LARGE1: variants seen among roughly 807,000 people sequenced by gnomAD.
LARGE1 encodes LARGE xylosyl- and glucuronyltransferase 1.
In LARGE1, 43 loss-of-function variants were observed where a neutral mutation model predicts 87.6. The ratio of observed to expected loss-of-function variants is 0.49; its 90% CI spans 0.38 to 0.63. The LOEUF (loss-of-function observed/expected upper bound fraction) is 0.63, where lower values mean the gene tolerates loss of function less well. Ranked by LOEUF, LARGE1 falls within the 30% of genes least tolerant of loss-of-function variation. LARGE1 has a pLI of 0.00. For synonymous variants in LARGE1, 434 were observed against 394.6 expected, an observed-to-expected ratio of 1.10 and a Z score of -1.18; for missense variants, 802 against 1,000.2, an observed-to-expected ratio of 0.80 and a Z score of 2.67.
At chr22:33,694,237 A>T (rs1022270345) in intron 2 of LARGE1, among the ~76,000 whole-genome samples, 5 of 152,222 alleles carry the variant, frequency 3.3e-5, no homozygotes, top group Non-Finnish European at 7.3e-5. Flanking sequence ...ACAGAAGGAA[A>T]ATCTAGAGAG....
intron 1 of LARGE1, among the ~76,000 whole-genome samples, chr22:33,875,499 T>C (rs936980901): frequency 1.3e-5 from 2 of 152,136 alleles, no homozygotes; most frequent in Non-Finnish European, 2.9e-5. Context: ...TCTCCAACCA[T>C]GCCAAGGGGA....
chr22:33,284,541 G>A (rs1931136478), intron 12 of LARGE1, among the ~76,000 whole-genome samples: 1 of 151,902 alleles, frequency 6.6e-6, no homozygotes, highest in Non-Finnish European at 1.5e-5. Context: ...GGCTCATGGA[G>A]AGCCATCCAC....
chr22:33,565,867 G>A (rs1307677255), intron 5 of LARGE1, among the ~76,000 whole-genome samples: 1 of 152,160 alleles, frequency 6.6e-6, no homozygotes, highest in Admixed American at 6.5e-5. Context: ...CCAAAGGCAA[G>A]GATAAAAATA....
chr22:33,713,841 A>C (rs995718393), intron 2 of LARGE1, among the ~76,000 whole-genome samples: 4 of 152,042 alleles, frequency 2.6e-5, no homozygotes, highest in African/African-American at 9.7e-5. Context: ...CTGTGTTCCC[A>C]GCTATTTAGG....
chr22:33,462,313 A>G lies in LARGE1; in HGVS notation c.788-30048T>C, dbSNP rs1395664697. ...GAAAAACACCCTTCGGGATGGCAAA[A>G]TAAAGACATTTTTCAGATAATAAAA... On this transcript the variant is annotated intron_variant, in intron 6 of 14. Coordinates refer to ENST00000397394, the MANE Select transcript of LARGE1 (RefSeq NM_133642.5). Among the ~76,000 whole-genome samples, 4 of 152,198 alleles carry G rather than the reference A, an allele frequency of 2.6e-5. No homozygotes were observed. In the East Asian group the frequency reaches 5.8e-4, roughly 22 times the overall value.
In LARGE1 at chr22:33,730,730, GC is replaced by G. The variant is rs1176882570; in HGVS notation, c.106+30640del. ...TTTGAGACGGAGTTTTACTCTTGTT[GC>G]CCAGGATGGAGTGCAATGGTGCTAT... On this transcript the variant is annotated intron_variant, in intron 2 of 14. Transcript: ENST00000397394. Among the ~76,000 whole-genome samples the G allele has an allele frequency of 4.6e-5, 7 of 151,762 alleles. No homozygotes were observed. In the East Asian group the frequency reaches 1.4e-3, roughly 29 times the overall value.
rs185222768 is a variant in LARGE1, at chr22:33,457,461, T to C, written c.788-25196A>G. On this transcript the variant is annotated intron_variant, in intron 6 of 14. Transcript: ENST00000397394. ...TGTAAGCCACCAAGCCCGGCCTAAT[T>C]TGTATTTCTTAATTCAATAAACATT... is the stretch of plus-strand genomic sequence containing the variant. 5.5e-4 allele frequency among the ~76,000 whole-genome samples: 84 copies of C among 151,866 alleles called. 1 individual carries two copies. Among genetic ancestry groups the C allele is most frequent in the African/African-American group, 1.9e-3 (78 of 41,374 alleles).
chr22:33,813,574 G>A (rs2086564279), intron 1 of LARGE1, among the ~76,000 whole-genome samples: 1 of 151,984 alleles, frequency 6.6e-6, no homozygotes, highest in Non-Finnish European at 1.5e-5. Flanking sequence ...TTCCCATTTG[G>A]ACACAACCAT....
At chr22:33,551,474 T>A (rs2077519435) in intron 6 of LARGE1, among the ~76,000 whole-genome samples, 1 of 152,206 alleles carries the variant, frequency 6.6e-6, no homozygotes, top group Non-Finnish European at 1.5e-5. Context: ...ATTAGTTCAA[T>A]TTGGCCTGTT....
chr22:33,645,221 G>A (rs2080569527), intron 3 of LARGE1, among the ~76,000 whole-genome samples: 1 of 108,792 alleles, frequency 9.2e-6, no homozygotes, highest in Admixed American at 8.0e-5. Flanking sequence ...AACCAAAACA[G>A]CATGGTACTG....
intron 1 of LARGE1, among the ~76,000 whole-genome samples, chr22:33,882,021 GTTTT>G (rs2064700082): frequency 6.7e-6 from 1 of 149,070 alleles, no homozygotes; most frequent in Admixed American, 6.6e-5. Flanking sequence ...TCTTTGCGGG[GTTTT>G]TTTGTTTTTG....
chr22:33,704,665 C>G (rs2082508793), intron 2 of LARGE1: 1 of 152,424 alleles, frequency 6.6e-6, no homozygotes, highest in Non-Finnish European at 1.5e-5. Flanking sequence ...TGTCTACACA[C>G]AGAAAAGCAC....
chr22:33,740,640 G>C (rs1281114573), intron 2 of LARGE1, among the ~76,000 whole-genome samples: 1 of 152,132 alleles, frequency 6.6e-6, no homozygotes, highest in Non-Finnish European at 1.5e-5. Flanking sequence ...AGAAAAAGAA[G>C]GGGTTAGGGC....
At position 33,520,958 on chromosome 22, in the gene LARGE1, A is replaced by T. The variant is rs149145597; in HGVS notation, c.787+43890T>A. On this transcript the variant is annotated intron_variant, in intron 6 of 14. Coordinates refer to ENST00000397394, the MANE Select transcript of LARGE1 (RefSeq NM_133642.5). ...GTAGTAATTTGATTGTGTTGTTTACATGTGTCTGTCTTTGCTGGCAGGTGA... is the reference window on the plus strand; with the variant it reads ...GTAGTAATTTGATTGTGTTGTTTACTTGTGTCTGTCTTTGCTGGCAGGTGA... 8.5e-5 allele frequency among the ~76,000 whole-genome samples: 13 copies of T among 152,312 alleles called. No individual in the cohort carries two copies. In the East Asian group the frequency reaches 2.5e-3, roughly 29 times the overall value.
chr22:33,650,744 C>T, intron 2 of LARGE1, 76 bp from the exon 3 acceptor site: 2 of 1,531,188 alleles, frequency 1.3e-6, no homozygotes, highest in Non-Finnish European at 1.8e-6. Flanking sequence ...CCCAGACATC[C>T]CTTACTACAT....
intron 7 of LARGE1, 125 bp from the exon 8 acceptor site, chr22:33,384,429 T>C: frequency 1.4e-6 from 1 of 739,140 alleles, no homozygotes; most frequent in South Asian, 1.5e-5. Context: ...AAGAGGCCTA[T>C]GCACTGCTGC....
chr22:33,654,691 C>T (rs73400740), intron 2 of LARGE1, among the ~76,000 whole-genome samples: 3,656 of 152,262 alleles, frequency 0.024, 139 homozygotes, highest in African/African-American at 0.084. Flanking sequence ...CTCCCAGGAA[C>T]GCTCCTCAAG....
intron 9 of LARGE1, among the ~76,000 whole-genome samples, chr22:33,342,212 C>A (rs1053786633): frequency 4.6e-5 from 7 of 152,066 alleles, no homozygotes; most frequent in African/African-American, 1.4e-4. Flanking sequence ...CGAATGATTC[C>A]GGTGCTTGCC....
rs760361671 is a variant in LARGE1, at chr22:33,387,984, T to C, written c.893-3680A>G. On this transcript the variant is annotated intron_variant, in intron 7 of 14. Transcript: ENST00000397394. ...AAGGCAGCCAGTATTCCCAGGGGTC[T>C]GTGTTTTATTCCTAGGCTTGTTTTT... Among the ~76,000 whole-genome samples, 117 of 152,346 alleles carry C rather than the reference T, an allele frequency of 7.7e-4. No homozygotes were observed. The Middle Eastern group carries it at 0.014, about 18-fold the overall frequency.
Sources: allele counts gnomAD v4.1 joint callset (sites outside exome capture counted in the v4.1 genomes callset), GRCh38; gene constraint gnomAD v4.1.1; transcripts MANE v1.5; gene names NCBI Gene and HGNC (gene_info 2026-07-23, HGNC 2026-07-21).